The following RADIL variants were observed in gnomAD, a reference collection of about 807,000 sequenced individuals.
RADIL encodes Rap associating with DIL domain.
A neutral mutation model predicts 97.6 loss-of-function variants in RADIL; 99 were observed. The observed-to-expected ratio is 1.01, with a 90% CI of 0.86 to 1.20. The LOEUF is 1.20. RADIL is among the 50% of genes most tolerant of loss of function. The pLI is 0.00. For missense variants in RADIL, 1,765 were observed against 1,498.9 expected (o/e 1.18, Z -2.93); for synonymous variants, 803 against 691.8 (o/e 1.16, Z -2.52).
chr7:4,875,312 G>A (rs1784350529), intron 2 of RADIL, among the ~76,000 whole-genome samples: 1 of 151,748 alleles, frequency 6.6e-6, no homozygotes, highest in Non-Finnish European at 1.5e-5. Context: ...AGAATCGTTT[G>A]AACCTGGGAG....
In RADIL at chr7:4,797,769, G is replaced by A. The variant is rs1781962449; in HGVS notation, c.*1609C>T. On this transcript the variant is annotated 3_prime_UTR_variant, in exon 15 of 15. Transcript: ENST00000399583. The stretch of plus-strand genomic sequence containing the variant: ...GGGCAAGGCGGGCAGATCACTTGAT[G>A]TCAGTTTGAAATCAGCCTGGCCAAC... The A allele has an allele frequency of 6.6e-6, 1 of 152,138 alleles. No individual in the cohort carries two copies. The highest frequency in any genetic ancestry group is 2.4e-5 in the African/African-American group (1 of 41,420). 9.4% of individuals were successfully genotyped at this position (152,138 alleles called of 1,614,324 possible).
Position 4,836,521 on chromosome 7 carries a change from G to A in RADIL, c.620C>T (p.Pro207Leu), listed in dbSNP as rs778563888. The stretch of plus-strand genomic sequence containing the variant: ...GACTGTGCGGCGCAACCGGGGTGGA[G>A]GAGAGCTCCGGGCATCCCCCAGGGC... ...TPALGDARSS[P>L]PPRLRRTVSE... Residue 207 changes from proline (P) to leucine (L), a missense_variant, in exon 3 of 15, where the codon CCT becomes CTT. Physicochemically the swap from Pro to Leu is moderately conservative, Grantham distance 98. Coordinates refer to ENST00000399583, the MANE Select transcript of RADIL (RefSeq NM_018059.5). 4.4e-6 allele frequency: 7 copies of A among 1,607,304 alleles called. No individual in the cohort carries two copies. The highest frequency in any genetic ancestry group is 5.9e-6 in the Non-Finnish European group (7 of 1,179,150).
intron 2 of RADIL, chr7:4,858,503 CT>C (rs1212416543): frequency 6.6e-6 from 1 of 152,534 alleles, no homozygotes; most frequent in Non-Finnish European, 1.5e-5. Context: ...CTAGAAATTA[CT>C]TTTTTATGTT....
At chr7:4,871,011 CCATT>C (rs1784240598) in intron 2 of RADIL, among the ~76,000 whole-genome samples, 1 of 152,178 alleles carries the variant, frequency 6.6e-6, no homozygotes, top group South Asian at 2.1e-4. Flanking sequence ...GAGCAACTAA[CCATT>C]CAAGTTTATT....
rs1448432018 is a variant in RADIL, at chr7:4,835,559, T to G, written c.784-320A>C. Reference sequence around the variant, plus strand: ...TGGTTCTACAGACCGGGCCAAGGACTACATAACTTCCCCCAAGTCATCCCC... The same window carrying G: ...TGGTTCTACAGACCGGGCCAAGGACGACATAACTTCCCCCAAGTCATCCCC... On this transcript the variant is annotated intron_variant, in intron 3 of 14. Coordinates refer to ENST00000399583, the MANE Select transcript of RADIL (RefSeq NM_018059.5). This position sits in a 1 kb window ranked among gnomAD's most constrained non-coding sequence, Gnocchi z 5.8. Among the ~76,000 whole-genome samples the G allele has an allele frequency of 6.6e-6, 1 of 151,986 alleles. No homozygotes were observed. Among genetic ancestry groups the G allele is most frequent in the Non-Finnish European group, 1.5e-5 (1 of 68,020 alleles).
intron 4 of RADIL, among the ~76,000 whole-genome samples, chr7:4,832,865 C>T (rs993940142): frequency 5.3e-5 from 8 of 151,748 alleles, no homozygotes; most frequent in South Asian, 2.1e-4. Context: ...GGAATGAGGA[C>T]GGGGCAGCGG....
chr7:4,816,999 C>T (rs1479842611), intron 7 of RADIL, among the ~76,000 whole-genome samples: 2 of 152,086 alleles, frequency 1.3e-5, no homozygotes, highest in Admixed American at 6.5e-5. Context: ...CGTTTCAAGG[C>T]GAGGGAAAGG....
chr7:4,848,592 A>G (rs1783633002), intron 2 of RADIL, among the ~76,000 whole-genome samples: 1 of 152,190 alleles, frequency 6.6e-6, no homozygotes, highest in Non-Finnish European at 1.5e-5. Flanking sequence ...TAAAAGTTGG[A>G]CAGGAAGGAA....
Position 4,836,354 on chromosome 7 carries a change from T to C in RADIL, c.783+4A>G. ...GGCAGTGGGTGTCAGGAGGGGAGGC[T>C]CACGTGCTGCTGGCTGTAGCCCTGC... On this transcript the variant is annotated splice_donor_region_variant and intron_variant, in intron 3 of 14. Transcript: ENST00000399583. 1.3e-6 allele frequency: 2 copies of C among 1,569,378 alleles called. No homozygotes were observed. The highest frequency in any genetic ancestry group is 1.7e-6 in the Non-Finnish European group (2 of 1,157,012).
At position 4,798,347 on chromosome 7, in the gene RADIL, G is replaced by T. The variant is rs1781976662; in HGVS notation, c.*1031C>A. ...GGACAGACCCAGGACACCGATCTGGGGACCCCGCACAGACCTCTGTCCCAG... is the reference window on the plus strand; with the variant it reads ...GGACAGACCCAGGACACCGATCTGGTGACCCCGCACAGACCTCTGTCCCAG... On this transcript the variant is annotated 3_prime_UTR_variant, in exon 15 of 15. Transcript: ENST00000399583. 1 of 152,122 alleles carries T rather than the reference G, an allele frequency of 6.6e-6. No homozygotes were observed. The highest frequency in any genetic ancestry group is 2.1e-4 in the South Asian group (1 of 4,834). The allele number at this position is 152,122 out of a possible 1,614,324, so 9.4% of individuals were successfully genotyped here.
Position 4,813,358 on chromosome 7 carries a change from T to C in RADIL, c.2139+1920A>G, listed in dbSNP as rs1464787776. Among the ~76,000 whole-genome samples the C allele has an allele frequency of 6.6e-6, 1 of 152,166 alleles. No homozygotes were observed. The highest frequency in any genetic ancestry group is 1.5e-5 in the Non-Finnish European group (1 of 68,032). On this transcript the variant is annotated intron_variant, in intron 9 of 14. Coordinates refer to ENST00000399583, the MANE Select transcript of RADIL (RefSeq NM_018059.5). The surrounding 1 kb of genome is among the most constrained non-coding windows in gnomAD (Gnocchi z 5.0). ...CTCGTCATCTCTGTCTCCTCTACAC[T>C]GTGAAGGCACCACAGATTCCACTCC...
intron 9 of RADIL, chr7:4,809,555 G>A: frequency 1.0e-6 from 1 of 985,460 alleles, no homozygotes; most frequent in South Asian, 4.7e-5. Flanking sequence ...GGCCCGCCCA[G>A]GCACCACGGC....
rs866980174 is a variant in RADIL at position 4,808,995 on chromosome 7, G to T, written c.2140-3279C>A. ...CCCGTTCCAACGCCACTGCCCCCCC[G>T]CGTCCCCTTCCGACGCCACTGCCCC... On this transcript the variant is annotated intron_variant, in intron 9 of 14. Transcript: ENST00000399583. 201 of 791,406 alleles carry T rather than the reference G, an allele frequency of 2.5e-4. 1 individual carries two copies. The Middle Eastern group carries it at 2.6e-3, about 10-fold the overall frequency. 49.0% of individuals were successfully genotyped at this position (791,406 alleles called of 1,614,324 possible). A position where few individuals can be genotyped will look rare whatever the true frequency, so the allele number is the denominator to read the frequency against.
Position 4,842,932 on chromosome 7 carries a change from C to G in RADIL, c.536-6327G>C, listed in dbSNP as rs1004374420. On this transcript the variant is annotated intron_variant, in intron 2 of 14. Transcript: ENST00000399583. The surrounding 1 kb of genome is among the most constrained non-coding windows in gnomAD (Gnocchi z 4.5). ...TGGTCACCATAATACCCTGCAGCCT[C>G]GAAATTCTGGCCTCAGGGCCTCAGA... 2.0e-5 allele frequency among the ~76,000 whole-genome samples: 3 copies of G among 151,710 alleles called. No individual in the cohort carries two copies. The highest frequency in any genetic ancestry group is 2.9e-5 in the Non-Finnish European group (2 of 67,980).
intron 9 of RADIL, among the ~76,000 whole-genome samples, chr7:4,811,492 T>C (rs1369869325): frequency 3.0e-5 from 4 of 133,686 alleles, no homozygotes; most frequent in African/African-American, 5.6e-5. Context: ...TTTTTTTTTT[T>C]TTTTTTTTTT....
At position 4,798,073 on chromosome 7, in the gene RADIL, CATATATAATTATATATTT is replaced by C. The variant is rs1781969595; in HGVS notation, c.*1287_*1304del. 6.8e-6 allele frequency: 1 copy of C among 147,290 alleles called. No homozygotes were observed. Among genetic ancestry groups the C allele is most frequent in the African/African-American group, 2.5e-5 (1 of 40,470 alleles). The allele number at this position is 147,290 out of a possible 1,614,324, so 9.1% of individuals were successfully genotyped here. ...CGTATACATGAATATGTAATATATT[CATATATAATTATATATTT>C]ATATATATTCATATATTTTACATAT... On this transcript the variant is annotated 3_prime_UTR_variant, in exon 15 of 15. Transcript: ENST00000399583.
intron 14 of RADIL, 23 bp from the exon 15 acceptor site, chr7:4,799,506 G>GGGTGGGCA: frequency 6.2e-7 from 1 of 1,613,690 alleles, no homozygotes; most frequent in African/African-American, 1.3e-5. Flanking sequence ...CCAGAGGTGG[G>GGGTGGGCA]GGTGGGCAGG....
In RADIL at chr7:4,801,808, T is replaced by C. The variant is rs746122509; in HGVS notation, c.2687A>G (p.His896Arg). Reference sequence around the variant, plus strand: ...CGTGAGCAAGCAGGACGAGTCCGTGTGCGGGGGGCCAGCCTGGGAGCCCCC... The same window carrying C: ...CGTGAGCAAGCAGGACGAGTCCGTGCGCGGGGGGCCAGCCTGGGAGCCCCC... The part of the protein sequence containing the change: ...SRGGSQAGPP[H>R]TDSSCLLTPP... Residue 896 changes from histidine (H) to arginine (R), a missense_variant, in exon 12 of 15, where the codon CAC (histidine) becomes CGC (arginine). His to Arg is a conservative substitution (Grantham distance 29, BLOSUM62 0). Transcript: ENST00000399583. The C allele has an allele frequency of 7.5e-6, 12 of 1,608,272 alleles. No individual in the cohort carries two copies. The East Asian group carries it at 2.5e-4, about 33-fold the overall frequency.
chr7:4,831,577 CAAAAAAAAAAAA>C (rs397889423), intron 5 of RADIL, among the ~76,000 whole-genome samples: 3 of 77,868 alleles, frequency 3.9e-5, no homozygotes, highest in African/African-American at 9.3e-5. Context: ...TGAAGATTCT[CAAAAAAAAAAAA>C]AAAAAAAAAG....
Sources: gnomAD v4.1 joint callset for allele counts (sites outside exome capture counted in the v4.1 genomes callset) on GRCh38, gnomAD v4.1.1 for gene constraint, Gnocchi (gnomAD v3.1) non-coding constraint, MANE v1.5 for transcripts, NCBI Gene and HGNC (gene_info 2026-07-23, HGNC 2026-07-21) for gene names.